Variants in OSBPL9 observed in about 807,000 individuals in gnomAD.
OSBPL9 encodes the protein oxysterol-binding protein-related protein 9.
In OSBPL9, 40 loss-of-function variants were observed where a neutral mutation model predicts 106.6. The observed-to-expected ratio is 0.38, with a 90% CI of 0.29 to 0.49. OSBPL9 has a LOEUF of 0.49. OSBPL9 is among the 20% of genes least tolerant of loss of function. The pLI, the probability that OSBPL9 is intolerant of heterozygous loss-of-function variation, is 0.97. For synonymous variants in OSBPL9, 269 were observed against 295.4 expected (o/e 0.91, Z 0.92); for missense variants, 609 against 887.2 (o/e 0.69, Z 3.98).
chr1:51,620,846 A>T (rs934097924), intron 1 of OSBPL9, among the ~76,000 whole-genome samples: 5 of 152,284 alleles, frequency 3.3e-5, no homozygotes, highest in African/African-American at 9.6e-5. Context: ...ATAGAAATTT[A>T]AAAAAATAAA....
At chr1:51,703,770 G>C (rs952139565) in intron 3 of OSBPL9, among the ~76,000 whole-genome samples, 1 of 152,306 alleles carries the variant, frequency 6.6e-6, no homozygotes, top group African/African-American at 2.4e-5. Flanking sequence ...GATATTGGCT[G>C]TGGGTTTGTC....
chr1:51,730,253 C>CCTCCTCCAAAGTCTCA, intron 4 of OSBPL9: 1 of 909,972 alleles, frequency 1.1e-6, no homozygotes, highest in Non-Finnish European at 1.4e-6. Flanking sequence ...CCAAATGAGA[C>CCTCCTCCAAAGTCTCA]TTTGGAGGAG....
At chr1:51,680,002 G>A (rs2148795619) in intron 3 of OSBPL9, among the ~76,000 whole-genome samples, 1 of 152,118 alleles carries the variant, frequency 6.6e-6, no homozygotes, top group East Asian at 1.9e-4. Flanking sequence ...TGATAAAGGG[G>A]GACTATTCTG....
the OSBPL9 span, among the ~76,000 whole-genome samples, chr1:51,532,604 G>A: frequency 6.6e-6 from 1 of 152,226 alleles, no homozygotes; most frequent in South Asian, 2.1e-4. Context: ...TGAATTTTAA[G>A]AGTCCAGTTG....
intron 1 of OSBPL9, among the ~76,000 whole-genome samples, chr1:51,635,159 C>G (rs932718219): frequency 6.6e-6 from 1 of 152,100 alleles, no homozygotes; most frequent in African/African-American, 2.4e-5. Flanking sequence ...TGTCAGACTT[C>G]GAAAAGTGTG....
chr1:51,632,988 T>G (rs1645201345), intron 1 of OSBPL9, among the ~76,000 whole-genome samples: 1 of 152,104 alleles, frequency 6.6e-6, no homozygotes, highest in South Asian at 2.1e-4. Flanking sequence ...CTCTTTTTTT[T>G]GAGACCGAGT....
intron 2 of OSBPL9, among the ~76,000 whole-genome samples, chr1:51,610,022 C>T (rs1643975321): frequency 6.6e-6 from 1 of 151,986 alleles, no homozygotes; most frequent in African/African-American, 2.4e-5. Flanking sequence ...GCTGGGATTA[C>T]AGGTGTGAGT....
At chr1:51,659,798 A>T (rs1331446043) in intron 2 of OSBPL9, among the ~76,000 whole-genome samples, 1 of 152,186 alleles carries the variant, frequency 6.6e-6, no homozygotes, top group African/African-American at 2.4e-5. Context: ...TCAAAAAAGC[A>T]TAAATCAACA....
chr1:51,683,676 G>A (rs1571052422), intron 3 of OSBPL9, among the ~76,000 whole-genome samples: 1 of 151,788 alleles, frequency 6.6e-6, no homozygotes, highest in Non-Finnish European at 1.5e-5. Context: ...GCCTGTAATC[G>A]CAGCTACTCA....
chr1:51,558,938 A>G, the OSBPL9 span, among the ~76,000 whole-genome samples: 1 of 152,140 alleles, frequency 6.6e-6, no homozygotes, highest in East Asian at 1.9e-4. Flanking sequence ...TTTGTTCTCT[A>G]CCATCTCCTC....
At chr1:51,784,365 T>C in intron 19 of OSBPL9, 38 bp downstream of exon 19, 1 of 1,610,110 alleles carries the variant, frequency 6.2e-7, no homozygotes, top group South Asian at 1.1e-5. Context: ...CAGTAGACTC[T>C]GCTGTTCCTT....
At chr1:51,602,619 A>G (rs1448736505) in intron 2 of OSBPL9, among the ~76,000 whole-genome samples, 1 of 151,042 alleles carries the variant, frequency 6.6e-6, no homozygotes, top group Non-Finnish European at 1.5e-5. Flanking sequence ...TGTAGAGACG[A>G]GGAGTGGGGC....
intron 3 of OSBPL9, chr1:51,707,047 AT>A (rs1658700115): frequency 5.0e-6 from 1 of 199,832 alleles, no homozygotes; most frequent in Non-Finnish European, 1.1e-5. Context: ...ATTCTGTTAG[AT>A]TTGAGTGCAG....
chr1:51,635,813 C>G (rs1645396353), intron 1 of OSBPL9, among the ~76,000 whole-genome samples: 1 of 151,932 alleles, frequency 6.6e-6, no homozygotes, highest in African/African-American at 2.4e-5. Context: ...AGATCAAAGT[C>G]CATATGTCCA....
intron 3 of OSBPL9, among the ~76,000 whole-genome samples, chr1:51,712,349 G>A (rs2148889525): frequency 6.6e-6 from 1 of 152,362 alleles, no homozygotes; most frequent in South Asian, 2.1e-4. Flanking sequence ...CGAGATGGCA[G>A]CAGTACAGTC....
At chr1:51,736,539 A>C (rs1431173758) in intron 4 of OSBPL9, among the ~76,000 whole-genome samples, 1 of 152,130 alleles carries the variant, frequency 6.6e-6, no homozygotes, top group Non-Finnish European at 1.5e-5. Flanking sequence ...TTTGTTTTTG[A>C]AAACATTTCA....
intron 1 of OSBPL9, among the ~76,000 whole-genome samples, chr1:51,623,089 C>G (rs1283381195): frequency 6.6e-6 from 1 of 152,130 alleles, no homozygotes; most frequent in Non-Finnish European, 1.5e-5. Flanking sequence ...TAGATGAGAT[C>G]TAAAGCATAT....
At chr1:51,645,486 G>T (rs887547614) in intron 1 of OSBPL9, among the ~76,000 whole-genome samples, 2 of 146,110 alleles carry the variant, frequency 1.4e-5, no homozygotes, top group Admixed American at 6.8e-5. Flanking sequence ...TGTTTGGTTG[G>T]TTTTTTTTTT....
intron 4 of OSBPL9, among the ~76,000 whole-genome samples, chr1:51,743,893 T>G (rs915493347): frequency 1.3e-5 from 2 of 152,194 alleles, no homozygotes; most frequent in African/African-American, 4.8e-5. Flanking sequence ...GGAACTTCTT[T>G]GGGTTATCTT....
Sources: gnomAD v4.1 joint callset for allele counts (sites outside exome capture counted in the v4.1 genomes callset) on GRCh38, gnomAD v4.1.1 for gene constraint, MANE v1.5 for transcripts, NCBI Gene and HGNC (gene_info 2026-07-23, HGNC 2026-07-21) for gene names.